PCDHA2: variants seen among roughly 807,000 people sequenced by gnomAD.
The protein encoded by PCDHA2 is protocadherin alpha 2, also known as protocadherin alpha-2.
PCDHA2 carries 58 observed loss-of-function variants against 66.0 expected under a neutral mutation model. That is an observed-to-expected ratio of 0.88 (90% confidence interval 0.71 to 1.09). The LOEUF (loss-of-function observed/expected upper bound fraction) is 1.09, where lower values mean the gene tolerates loss of function less well. PCDHA2 is among the 50% of genes least tolerant of loss of function. The pLI, the probability that PCDHA2 is intolerant of heterozygous loss-of-function variation, is 0.00. For synonymous variants in PCDHA2, 634 were observed against 554.0 expected (o/e 1.14, Z -2.03); for missense variants, 1,267 against 1,242.3 (o/e 1.02, Z -0.30).
At chr5:140,958,145 A>G (rs1044763099) in intron 1 of PCDHA2, among the ~76,000 whole-genome samples, 4 of 152,156 alleles carry the variant, frequency 2.6e-5, no homozygotes, top group African/African-American at 4.8e-5. Context: ...GTATATTTAT[A>G]TAGCATAGTC....
chr5:140,858,511 GTA>G (rs1554151718), intron 1 of PCDHA2: 1 of 1,433,712 alleles, frequency 7.0e-7, no homozygotes, highest in Admixed American at 2.0e-5. Flanking sequence ...TCTCAAATAT[GTA>G]TCAGAATATT....
chr5:140,888,494 T>C (rs1554183489), intron 1 of PCDHA2, among the ~76,000 whole-genome samples: 1 of 152,236 alleles, frequency 6.6e-6, no homozygotes, highest in Non-Finnish European at 1.5e-5. Context: ...GAAACTCTGC[T>C]TTAAAGAGTC....
intron 1 of PCDHA2, among the ~76,000 whole-genome samples, chr5:140,806,386 C>A (rs1404620412): frequency 6.6e-6 from 1 of 152,196 alleles, no homozygotes; most frequent in Non-Finnish European, 1.5e-5. Context: ...ACCAGCGTTT[C>A]TCATGGGAGC....
chr5:140,937,219 T>A (rs555881657), intron 1 of PCDHA2, among the ~76,000 whole-genome samples: 4 of 151,838 alleles, frequency 2.6e-5, no homozygotes, highest in East Asian at 3.9e-4. Context: ...TTGTATTTTT[T>A]GTAGAGACGG....
chr5:140,991,253 C>T (rs912017745), intron 3 of PCDHA2, among the ~76,000 whole-genome samples: 1 of 152,178 alleles, frequency 6.6e-6, no homozygotes, highest in East Asian at 1.9e-4. Context: ...AGTATTTGAA[C>T]TCATGTCTGC....
intron 1 of PCDHA2, chr5:140,967,956 A>C: frequency 6.2e-7 from 1 of 1,614,172 alleles, no homozygotes; most frequent in Non-Finnish European, 8.5e-7. Context: ...TCAGGCCCCA[A>C]CCGGAAAGTG....
chr5:141,009,339 G>A (rs1328874922), intron 3 of PCDHA2, among the ~76,000 whole-genome samples: 13 of 152,168 alleles, frequency 8.5e-5, no homozygotes, highest in African/African-American at 3.1e-4. Context: ...TGTGCCTGTA[G>A]TTCCAGCTAC....
chr5:140,827,193 G>A (rs1769211639), intron 1 of PCDHA2, among the ~76,000 whole-genome samples: 1 of 152,116 alleles, frequency 6.6e-6, no homozygotes, highest in Non-Finnish European at 1.5e-5. Flanking sequence ...TTCAAAACTT[G>A]GAAGTGAGTG....
At chr5:140,877,417 G>T (rs782190793) in intron 1 of PCDHA2, 5 of 1,613,822 alleles carry the variant, frequency 3.1e-6, no homozygotes, top group Admixed American at 1.7e-5. Context: ...CCGCCTGCTG[G>T]TGCTGGTGAA....
At chr5:140,882,325 G>A (rs2059066855) in intron 1 of PCDHA2, 1 of 1,614,182 alleles carries the variant, frequency 6.2e-7, no homozygotes, top group Non-Finnish European at 8.5e-7. Context: ...TCTGGCTTCT[G>A]ATCCTCGCAG....
At position 140,796,581 on chromosome 5, in the gene PCDHA2, T is replaced by C. The variant is rs782482338; in HGVS notation, c.1617T>C (p.Asp539=). 5.6e-6 allele frequency: 9 copies of C among 1,612,834 alleles called. No homozygotes were observed. The highest frequency in any genetic ancestry group is 7.6e-6 in the Non-Finnish European group (9 of 1,179,726). Residue 539 remains aspartate, a synonymous_variant, in exon 1 of 4, where the codon GAT becomes GAC. Transcript: ENST00000526136. ...ELLQFQVSAR[D]AGVPPLGSNV... The stretch of plus-strand genomic sequence containing the variant: ...TGCAGTTCCAGGTGAGCGCGCGGGA[T>C]GCGGGCGTGCCGCCTCTGGGCAGCA...
chr5:140,871,066 G>A (rs1554165067), intron 1 of PCDHA2: 4 of 1,613,276 alleles, frequency 2.5e-6, no homozygotes, highest in South Asian at 2.2e-5. Flanking sequence ...GGATCACGGT[G>A]AGCCGGCGCT....
At position 140,823,576 on chromosome 5, in the gene PCDHA2, G is replaced by A. The variant is rs2150127070; in HGVS notation, c.2388+26224G>A. 4 of 1,613,976 alleles carry A rather than the reference G, an allele frequency of 2.5e-6. No individual in the cohort carries two copies. In the East Asian group the frequency reaches 6.7e-5, roughly 27 times the overall value. On this transcript the variant is annotated intron_variant, in intron 1 of 3. Coordinates refer to ENST00000526136, the MANE Select transcript of PCDHA2 (RefSeq NM_018905.3). ...GGTGCGCGCAGTGGACCCTGATTCG[G>A]GCTACAACGCTTGGCTTTCGTATGA...
chr5:140,888,789 G>A (rs536846098), intron 1 of PCDHA2, among the ~76,000 whole-genome samples: 1 of 152,066 alleles, frequency 6.6e-6, no homozygotes, highest in Admixed American at 6.5e-5. Flanking sequence ...AGCCTGATCT[G>A]GGGAGGTTGA....
intron 1 of PCDHA2, among the ~76,000 whole-genome samples, chr5:140,845,321 T>A (rs1395146345): frequency 6.7e-6 from 1 of 149,684 alleles, no homozygotes; most frequent in Non-Finnish European, 1.5e-5. Context: ...AGGTATTACT[T>A]TAATTACTGA....
rs782214418 is a variant in PCDHA2 at position 140,809,161 on chromosome 5, G to T, written c.2388+11809G>T. The T allele has an allele frequency of 1.9e-6, 3 of 1,613,834 alleles. No individual in the cohort carries two copies. The African/African-American group carries it at 4.0e-5, about 22-fold the overall frequency. On this transcript the variant is annotated intron_variant, in intron 1 of 3. Coordinates refer to ENST00000526136, the MANE Select transcript of PCDHA2 (RefSeq NM_018905.3). ...TGGTGAAGGACCACGGCGAGCCCGC[G>T]CTGACGGCCACGGCCACTGTGCTGG... is the stretch of plus-strand genomic sequence containing the variant.
In PCDHA2 at chr5:140,855,179, G is replaced by A. The variant is rs181253905; in HGVS notation, c.2388+57827G>A. Among the ~76,000 whole-genome samples, 493 of 149,782 alleles carry A rather than the reference G, an allele frequency of 3.3e-3. 32 individuals carry two copies. The highest frequency in any genetic ancestry group is 0.014 in the Middle Eastern group (4 of 290). ...ATTGAGCCTCATGAAAACAAATGTGGCCAAATTGAGGCCTGAGAATAGTTT... is the reference window on the plus strand; with the variant it reads ...ATTGAGCCTCATGAAAACAAATGTGACCAAATTGAGGCCTGAGAATAGTTT... On this transcript the variant is annotated intron_variant, in intron 1 of 3. Coordinates refer to ENST00000526136, the MANE Select transcript of PCDHA2 (RefSeq NM_018905.3).
intron 1 of PCDHA2, chr5:140,871,029 G>A (rs782042665): frequency 1.9e-6 from 3 of 1,613,228 alleles, no homozygotes; most frequent in Non-Finnish European, 2.5e-6. Flanking sequence ...CAGACTCGCC[G>A]CGCCACCGAC....
intron 1 of PCDHA2, chr5:140,966,442 T>C (rs1474683794): frequency 4.7e-6 from 2 of 424,056 alleles, no homozygotes; most frequent in East Asian, 3.6e-5. Flanking sequence ...TACCGCTCCC[T>C]TTCCCCCTCC....
Sources: allele counts gnomAD v4.1 joint callset (sites outside exome capture counted in the v4.1 genomes callset), GRCh38; gene constraint gnomAD v4.1.1; transcripts MANE v1.5; gene names NCBI Gene and HGNC (gene_info 2026-07-23, HGNC 2026-07-21).